The following TMEM132C variants were observed in gnomAD, a reference collection of about 807,000 sequenced individuals.
TMEM132C encodes the protein transmembrane protein 132C.
In TMEM132C, 29 loss-of-function variants were observed where a neutral mutation model predicts 61.4. The observed-to-expected ratio is 0.47, with a 90% confidence interval of 0.35 to 0.64. The LOEUF (loss-of-function observed/expected upper bound fraction) is 0.64, where lower values mean the gene tolerates loss of function less well. TMEM132C is among the 30% of genes least tolerant of loss of function. TMEM132C has a pLI of 0.00. For synonymous variants in TMEM132C, 656 were observed against 633.1 expected (o/e 1.04, Z -0.54); for missense variants, 1,408 against 1,476.9 (o/e 0.95, Z 0.76).
At chr12:128,670,578 GT>G (rs556466575) in intron 5 of TMEM132C, among the ~76,000 whole-genome samples, 83 of 152,166 alleles carry the variant, frequency 5.5e-4, no homozygotes, top group Non-Finnish European at 8.2e-4. Flanking sequence ...CTGTAGGTTC[GT>G]CCACGTTCTA....
intron 4 of TMEM132C, among the ~76,000 whole-genome samples, chr12:128,664,007 C>T (rs1954427536): frequency 6.8e-6 from 1 of 146,870 alleles, no homozygotes; most frequent in Admixed American, 6.8e-5. Flanking sequence ...CACACAGGCA[C>T]ACACGCATAC....
intron 1 of TMEM132C, among the ~76,000 whole-genome samples, chr12:128,292,016 T>C (rs539922115): frequency 3.9e-5 from 6 of 152,142 alleles, no homozygotes; most frequent in Non-Finnish European, 5.9e-5. Context: ...CCATTGTTCC[T>C]CCTCCCCTAG....
chr12:128,403,496 C>A (rs1016333804), intron 1 of TMEM132C, among the ~76,000 whole-genome samples: 1 of 152,076 alleles, frequency 6.6e-6, no homozygotes, highest in Non-Finnish European at 1.5e-5. Context: ...CACCCTTACC[C>A]CCAACATTTC....
intron 2 of TMEM132C, among the ~76,000 whole-genome samples, chr12:128,442,168 C>T (rs1869819180): frequency 6.6e-6 from 1 of 152,096 alleles, no homozygotes; most frequent in Admixed American, 6.6e-5. Flanking sequence ...AACCTCAGTC[C>T]CCTCCCTGTC....
intron 1 of TMEM132C, among the ~76,000 whole-genome samples, chr12:128,298,205 G>A (rs141439979): frequency 5.3e-5 from 8 of 152,112 alleles, no homozygotes; most frequent in South Asian, 2.1e-4. Context: ...ACCCCAGTGC[G>A]GCTCCCATTG....
intron 2 of TMEM132C, among the ~76,000 whole-genome samples, chr12:128,450,891 A>G (rs766879387): frequency 4.6e-5 from 7 of 152,224 alleles, no homozygotes; most frequent in Non-Finnish European, 8.8e-5. Flanking sequence ...GCCTCAAAAC[A>G]TAAAATCTTG....
intron 2 of TMEM132C, among the ~76,000 whole-genome samples, chr12:128,540,915 CTCTGTCTGTCTGTTTCTCTCTGTCTCTG>C (rs1471704029): frequency 3.0e-5 from 4 of 132,470 alleles, no homozygotes; most frequent in African/African-American, 1.7e-4. Flanking sequence ...CCCTGGCTTA[CTCTGTCTGTCTGTTTCTCTCTGTCTCTG>C]TCTGTCTACT....
At chr12:128,369,112 C>T (rs187662686) in intron 1 of TMEM132C, among the ~76,000 whole-genome samples, 1 of 152,250 alleles carries the variant, frequency 6.6e-6, no homozygotes, top group East Asian at 1.9e-4. Flanking sequence ...ATGACAGTGA[C>T]AAATATGATA....
chr12:128,596,446 C>T (rs925248256), intron 3 of TMEM132C, among the ~76,000 whole-genome samples: 1 of 150,340 alleles, frequency 6.7e-6, no homozygotes, highest in Non-Finnish European at 1.5e-5. Context: ...GGTCTTGGTA[C>T]AGAGGTGGCA....
intron 2 of TMEM132C, among the ~76,000 whole-genome samples, chr12:128,506,620 T>C (rs1593078107): frequency 6.6e-6 from 1 of 152,162 alleles, no homozygotes; most frequent in East Asian, 1.9e-4. Flanking sequence ...TGGAGATCTG[T>C]TGCCTTAACC....
intron 5 of TMEM132C, among the ~76,000 whole-genome samples, chr12:128,686,061 G>A (rs1389129294): frequency 2.5e-5 from 2 of 80,078 alleles, no homozygotes; most frequent in Non-Finnish European, 6.8e-5. Context: ...GCATGTGTGT[G>A]TGTGCATGCG....
chr12:128,423,860 C>T (rs1056238346), intron 2 of TMEM132C, among the ~76,000 whole-genome samples: 1 of 151,496 alleles, frequency 6.6e-6, no homozygotes, highest in African/African-American at 2.4e-5. Context: ...GGTGAAACCC[C>T]ATCTCTACTT....
chr12:128,469,578 G>A (rs1216895738), intron 2 of TMEM132C, among the ~76,000 whole-genome samples: 1 of 151,920 alleles, frequency 6.6e-6, no homozygotes, highest in Non-Finnish European at 1.5e-5. Context: ...TTACAGCCAT[G>A]AGCCACCATG....
chr12:128,627,079 C>T (rs1234971401), intron 4 of TMEM132C, among the ~76,000 whole-genome samples: 1 of 152,134 alleles, frequency 6.6e-6, no homozygotes, highest in African/African-American at 2.4e-5. Flanking sequence ...GGCACCTCAC[C>T]TCCTCCTCCT....
At chr12:128,641,961 A>AT (rs34283461) in intron 4 of TMEM132C, among the ~76,000 whole-genome samples, 11,733 of 128,640 alleles carry the variant, frequency 0.091, 723 homozygotes, top group African/African-American at 0.16. Context: ...TGCCCGGCTA[A>AT]TTTTTTTTTT....
In TMEM132C at chr12:128,359,363, A is replaced by G. The variant is rs372586231; in HGVS notation, c.86-55369A>G. Among the ~76,000 whole-genome samples the G allele has an allele frequency of 3.3e-4, 51 of 152,322 alleles. No homozygotes were observed. The South Asian group carries it at 0.011, about 32-fold the overall frequency. ...GGGAACTCTCCTTTATAAAACCATC[A>G]GATCTGGCAAGACTTATTCACTACC... On this transcript the variant is annotated intron_variant, in intron 1 of 8. Transcript: ENST00000435159.
intron 1 of TMEM132C, among the ~76,000 whole-genome samples, chr12:128,344,463 G>T (rs1229197677): frequency 6.6e-6 from 1 of 152,098 alleles, no homozygotes; most frequent in Non-Finnish European, 1.5e-5. Flanking sequence ...GGCAGTATAT[G>T]TTTTTATGTC....
chr12:128,551,970 G>A (rs1340506930), intron 3 of TMEM132C, among the ~76,000 whole-genome samples: 1 of 152,180 alleles, frequency 6.6e-6, no homozygotes, highest in African/African-American at 2.4e-5. Context: ...ATTCCTTCAG[G>A]GAAAATGCTA....
chr12:128,605,069 A>C (rs12422826), intron 3 of TMEM132C, among the ~76,000 whole-genome samples: 1 of 152,034 alleles, frequency 6.6e-6, no homozygotes, highest in South Asian at 2.1e-4. Flanking sequence ...TACATAGATG[A>C]CAGATTATGG....
Sources: allele counts gnomAD v4.1 joint callset (sites outside exome capture counted in the v4.1 genomes callset), GRCh38; gene constraint gnomAD v4.1.1; transcripts MANE v1.5; gene names NCBI Gene and HGNC (gene_info 2026-07-23, HGNC 2026-07-21).